Variants in ADD1 observed in about 807,000 individuals in gnomAD.
ADD1 encodes the protein alpha-adducin.
Under a neutral mutation model 80.5 loss-of-function variants are expected in ADD1, and 24 were observed. That is an observed-to-expected ratio of 0.30 (90% CI 0.22 to 0.42). ADD1 has a LOEUF of 0.42. Among genes scored for constraint, ADD1 ranks in the 10% least tolerant of loss-of-function variants. The pLI is 1.00. For missense variants in ADD1, 948 were observed against 1,019.0 expected (o/e 0.93, Z 0.95); for synonymous variants, 373 against 393.8 (o/e 0.95, Z 0.63).
At chr4:2,865,067 A>G (rs1408608283) in intron 1 of ADD1, among the ~76,000 whole-genome samples, 1 of 152,128 alleles carries the variant, frequency 6.6e-6, no homozygotes, top group Admixed American at 6.6e-5. Flanking sequence ...TGTAAGTTGT[A>G]TATTCTTCCT....
intron 14 of ADD1, among the ~76,000 whole-genome samples, chr4:2,919,721 C>T (rs1739675751): frequency 6.6e-6 from 1 of 151,586 alleles, no homozygotes. Context: ...TTTGATTCTT[C>T]TCTCTTTTCT....
chr4:2,889,063 C>T (rs1021173954), intron 4 of ADD1, among the ~76,000 whole-genome samples: 3 of 152,108 alleles, frequency 2.0e-5, no homozygotes, highest in African/African-American at 7.2e-5. Context: ...AGCTAAGACA[C>T]TCCTGAAGAA....
At chr4:2,850,627 G>A (rs1383640169) in intron 1 of ADD1, among the ~76,000 whole-genome samples, 3 of 152,230 alleles carry the variant, frequency 2.0e-5, no homozygotes, top group Admixed American at 6.5e-5. Flanking sequence ...GGGTTTCACC[G>A]TGTTAGCCAG....
chr4:2,874,875 C>G (rs1560170462), intron 1 of ADD1, among the ~76,000 whole-genome samples: 2 of 152,132 alleles, frequency 1.3e-5, no homozygotes. Flanking sequence ...AGGCCCCACT[C>G]CAGACCTAAT....
intron 4 of ADD1, among the ~76,000 whole-genome samples, chr4:2,891,432 G>A (rs1035127651): frequency 3.9e-5 from 6 of 151,936 alleles, no homozygotes; most frequent in Non-Finnish European, 8.8e-5. Context: ...GGGTGACAGA[G>A]TGAGCTTTGT....
At position 2,904,960 on chromosome 4, in the gene ADD1, G is replaced by A. The variant is rs1322292114; in HGVS notation, c.1358G>A (p.Gly453Asp). ...ACAAGATGGCTGAACTCTGGCCGGG[G>A]CGACGAAGCTTCCGAGGAAGGGCAG... ...EKTRWLNSGR[G>D]DEASEEGQNG... The change falls in exon 10 of 16, where the codon GGC becomes GAC. Residue 453 changes from glycine to aspartate, a missense_variant. Physicochemically the swap from Gly to Asp is moderately conservative, Grantham distance 94. Transcript: ENST00000683351. The A allele has an allele frequency of 2.0e-5, 32 of 1,614,082 alleles. No homozygotes were observed. Among genetic ancestry groups the A allele is most frequent in the Non-Finnish European group, 2.3e-5 (27 of 1,180,046 alleles).
At chr4:2,882,318 C>A (rs1732491274) in intron 3 of ADD1, among the ~76,000 whole-genome samples, 1 of 152,150 alleles carries the variant, frequency 6.6e-6, no homozygotes. Context: ...TCTTCCCAGC[C>A]CCTATGTAGA....
chr4:2,928,615 G>A lies in ADD1; in HGVS notation c.*92G>A, dbSNP rs1489067986. On this transcript the variant is annotated 3_prime_UTR_variant, in exon 16 of 16. Coordinates refer to ENST00000683351, the MANE Select transcript of ADD1 (RefSeq NM_001354761.2). ...GTGCTCTGTCCTTGTGTAATGGAAT[G>A]CAAAAAAGCCAAGCCCTCCGCCTAG... The A allele has an allele frequency of 2.8e-6, 4 of 1,413,402 alleles. No homozygotes were observed. The highest frequency in any genetic ancestry group is 3.9e-6 in the Non-Finnish European group (4 of 1,028,070). 87.6% of individuals were successfully genotyped at this position (1,413,402 alleles called of 1,614,324 possible).
chr4:2,895,672 C>T (rs1192596182), intron 6 of ADD1, among the ~76,000 whole-genome samples: 1 of 152,152 alleles, frequency 6.6e-6, no homozygotes, highest in African/African-American at 2.4e-5. Flanking sequence ...AGGAACCCTC[C>T]TCCTCAGCTG....
intron 14 of ADD1, among the ~76,000 whole-genome samples, chr4:2,924,933 T>C (rs1453410169): frequency 6.6e-6 from 1 of 152,168 alleles, no homozygotes; most frequent in Non-Finnish European, 1.5e-5. Context: ...CTGGATTGTT[T>C]TTAAAAACAA....
chr4:2,914,585 C>G (rs1738656118), intron 13 of ADD1: 3 of 279,846 alleles, frequency 1.1e-5, no homozygotes, highest in South Asian at 1.1e-4. Context: ...AGTGGGCACC[C>G]TCCCTGAGGT....
intron 3 of ADD1, among the ~76,000 whole-genome samples, chr4:2,883,947 A>G (rs979374018): frequency 6.6e-5 from 10 of 152,226 alleles, no homozygotes; most frequent in African/African-American, 1.9e-4. Context: ...CTGGGATTAC[A>G]GGCGTGAGCC....
intron 4 of ADD1, 123 bp downstream of exon 4, chr4:2,884,789 C>G (rs1001396039): frequency 1.7e-6 from 2 of 1,163,480 alleles, no homozygotes; most frequent in South Asian, 3.6e-5. Context: ...AATACCTCTT[C>G]TGATTCCTGA....
At position 2,898,200 on chromosome 4, in the gene ADD1, G is replaced by C. The variant is rs755368185; in HGVS notation, c.758G>C (p.Cys253Ser). The change falls in exon 7 of 16, where the codon TGT becomes TCT. Residue 253 changes from cysteine to serine, a missense_variant. Cys to Ser is a moderately radical substitution (Grantham distance 112). Coordinates refer to ENST00000683351, the MANE Select transcript of ADD1 (RefSeq NM_001354761.2). ...PAGAAVSAMK[C>S]GLLPISPEAL... ...GGTCTCTAGGTCTCTGCAATGAAAT[G>C]TGGCCTCTTGCCAATCTCCCCGGAG... 1 of 1,613,608 alleles carries C rather than the reference G, an allele frequency of 6.2e-7. No individual in the cohort carries two copies. The highest frequency in any genetic ancestry group is 8.5e-7 in the Non-Finnish European group (1 of 1,179,738).
chr4:2,856,303 G>T (rs1470368424), intron 1 of ADD1, among the ~76,000 whole-genome samples: 1 of 152,106 alleles, frequency 6.6e-6, no homozygotes, highest in Non-Finnish European at 1.5e-5. Flanking sequence ...TGTTGTTTCT[G>T]TTGGCAAGTT....
chr4:2,865,305 T>C (rs1729380399), intron 1 of ADD1, among the ~76,000 whole-genome samples: 1 of 152,246 alleles, frequency 6.6e-6, no homozygotes, highest in African/African-American at 2.4e-5. Context: ...TAATTTTCAA[T>C]GAACATACCT....
intron 6 of ADD1, 38 bp from the exon 7 acceptor site, chr4:2,898,146 C>G: frequency 6.3e-7 from 1 of 1,588,408 alleles, no homozygotes; most frequent in Non-Finnish European, 8.6e-7. Flanking sequence ...TGTGTAACCC[C>G]AGGTTTTCCT....
intron 13 of ADD1, 36 bp downstream of exon 13, chr4:2,909,467 GC>G: frequency 6.7e-7 from 1 of 1,497,934 alleles, no homozygotes; most frequent in Non-Finnish European, 9.1e-7. Context: ...CTGTCTATGC[GC>G]CTTGCTCCCC....
intron 1 of ADD1, among the ~76,000 whole-genome samples, chr4:2,870,792 T>C (rs910686331): frequency 2.0e-5 from 3 of 151,718 alleles, no homozygotes; most frequent in African/African-American, 4.8e-5. Flanking sequence ...GATTGAAGAG[T>C]GTTAGGATTG....
Sources: allele counts gnomAD v4.1 joint callset (sites outside exome capture counted in the v4.1 genomes callset), GRCh38; gene constraint gnomAD v4.1.1; transcripts MANE v1.5; gene names NCBI Gene and HGNC (gene_info 2026-07-23, HGNC 2026-07-21).